The following SNAP47 variants were observed in gnomAD, a reference collection of about 807,000 sequenced individuals.
SNAP47 encodes synaptosome associated protein 47.
A neutral mutation model predicts 31.4 loss-of-function variants in SNAP47; 20 were observed. That is an observed-to-expected ratio of 0.64 (90% CI 0.45 to 0.93). SNAP47 has a LOEUF of 0.93. Ranked by LOEUF, SNAP47 falls within the 40% of genes least tolerant of loss-of-function variation. The probability of loss-of-function intolerance (pLI) is 0.00; values close to 1 mark genes in which losing one functional copy is unlikely to be tolerated. For synonymous variants in SNAP47, 194 were observed against 213.4 expected (o/e 0.91, Z 0.79); for missense variants, 492 against 528.5 (o/e 0.93, Z 0.68).
intron 4 of SNAP47, among the ~76,000 whole-genome samples, chr1:227,767,969 G>T (rs1034316910): frequency 1.3e-5 from 2 of 152,226 alleles, no homozygotes; most frequent in Admixed American, 1.3e-4. Context: ...AGAGGTTGTT[G>T]CCTAACATGC....
rs1663095311 is a variant in SNAP47 at position 227,762,022 on chromosome 1, G to A, written c.988+2537G>A. Among the ~76,000 whole-genome samples, 2 of 152,158 alleles carry A rather than the reference G, an allele frequency of 1.3e-5. No individual in the cohort carries two copies. The highest frequency in any genetic ancestry group is 4.8e-5 in the African/African-American group (2 of 41,440). On this transcript the variant is annotated intron_variant, in intron 3 of 4. Transcript: ENST00000617596. The surrounding 1 kb of genome is among the most constrained non-coding windows in gnomAD (Gnocchi z 4.2). ...GGCTAGGAGGGCCCCCTTAGTTCAG[G>A]TCACCTGAGTGTGGGTTGTAGCCAC... is the stretch of plus-strand genomic sequence containing the variant.
At chr1:227,756,284 C>T (rs1357336479) in intron 2 of SNAP47, among the ~76,000 whole-genome samples, 1 of 152,234 alleles carries the variant, frequency 6.6e-6, no homozygotes, top group East Asian at 1.9e-4. Context: ...TAAGTTGTCA[C>T]ATGAGCAGTG....
intron 2 of SNAP47, among the ~76,000 whole-genome samples, chr1:227,754,949 G>A (rs1662602970): frequency 6.6e-6 from 1 of 152,106 alleles, no homozygotes; most frequent in African/African-American, 2.4e-5. Context: ...AAAATCCTAA[G>A]CACCCCAGCC....
upstream of SNAP47, chr1:227,734,148 G>GC: frequency 8.0e-7 from 1 of 1,243,072 alleles, no homozygotes; most frequent in Non-Finnish European, 1.1e-6. Flanking sequence ...GATGGCTGCA[G>GC]CCCCCAAAGA....
rs1327699949 is a variant in SNAP47, at chr1:227,729,867, A to C, written c.-95+1081A>C. Among the ~76,000 whole-genome samples the C allele has an allele frequency of 5.3e-5, 8 of 152,152 alleles. No homozygotes were observed. The East Asian group carries it at 1.5e-3, about 29-fold the overall frequency. On this transcript the variant is annotated intron_variant, in intron 1 of 3. Coordinates refer to the SNAP47 transcript ENST00000366760. ...ATGTTCCCTCACTCTGTGTCCTCCCAGGCTAGAGTCTGTGCAGACAGCAGG... is the reference window on the plus strand; with the variant it reads ...ATGTTCCCTCACTCTGTGTCCTCCCCGGCTAGAGTCTGTGCAGACAGCAGG...
At chr1:227,765,740 T>C (rs1250982015) in intron 3 of SNAP47, among the ~76,000 whole-genome samples, 2 of 152,152 alleles carry the variant, frequency 1.3e-5, no homozygotes, top group African/African-American at 4.8e-5. Flanking sequence ...CTTCCCCACT[T>C]GCACTCGCAC....
At chr1:227,758,338 C>T (rs891858045) in intron 2 of SNAP47, among the ~76,000 whole-genome samples, 3 of 152,210 alleles carry the variant, frequency 2.0e-5, no homozygotes, top group Admixed American at 6.5e-5. Flanking sequence ...CAAGACGTGC[C>T]GGGTTCTCCT....
chr1:227,766,871 CT>C (rs1663439533), intron 3 of SNAP47, 87 bp from the exon 4 acceptor site: 1 of 1,565,188 alleles, frequency 6.4e-7, no homozygotes. Context: ...GGAACACCGC[CT>C]CAAAGACCAC....
At chr1:227,774,362 A>G (rs1197627760) in intron 4 of SNAP47, among the ~76,000 whole-genome samples, 1 of 149,044 alleles carries the variant, frequency 6.7e-6, no homozygotes, top group African/African-American at 2.5e-5. Context: ...TGTTGACACC[A>G]TGTGTTGAAG....
In SNAP47 at chr1:227,743,677, C is replaced by T. The variant is rs552788627; in HGVS notation, c.-45-4015C>T. ...CTGGTCTTTGAATGTCACTATCTGT[C>T]TGCTCCCCTGGACCTCCCTTGGTGC... is the stretch of plus-strand genomic sequence containing the variant. On this transcript the variant is annotated intron_variant, in intron 1 of 4. Transcript: ENST00000617596. 1.5e-4 allele frequency among the ~76,000 whole-genome samples: 23 copies of T among 152,342 alleles called. No individual in the cohort carries two copies. The South Asian group carries it at 4.8e-3, about 32-fold the overall frequency.
rs1661633662 is a variant in SNAP47, at chr1:227,741,941, T to A, written c.-45-5751T>A. Among the ~76,000 whole-genome samples, 1 of 152,170 alleles carries A rather than the reference T, an allele frequency of 6.6e-6. No individual in the cohort carries two copies. Among genetic ancestry groups the A allele is most frequent in the African/African-American group, 2.4e-5 (1 of 41,436 alleles). Reference sequence around the variant, plus strand: ...TCAAACTTGAATACTTTCCTTATATTTATTGTTTAAAATGTGATAATGAGA... The same window carrying A: ...TCAAACTTGAATACTTTCCTTATATATATTGTTTAAAATGTGATAATGAGA... On this transcript the variant is annotated intron_variant, in intron 1 of 4. Coordinates refer to ENST00000617596, the MANE Select transcript of SNAP47 (RefSeq NM_053052.4). The surrounding 1 kb of genome is among the most constrained non-coding windows in gnomAD (Gnocchi z 4.2).
At chr1:227,776,641 G>T in intron 4 of SNAP47, 3 of 985,462 alleles carry the variant, frequency 3.0e-6, no homozygotes, top group Non-Finnish European at 3.6e-6. Flanking sequence ...TATGTGGAAT[G>T]CACACGATGC....
intron 1 of SNAP47, chr1:227,728,870 G>T (rs1490243229): frequency 6.6e-6 from 1 of 152,390 alleles, no homozygotes; most frequent in Non-Finnish European, 1.5e-5. Context: ...GGAGCCGAAG[G>T]CCTCCGATGG....
At chr1:227,768,508 T>C (rs1174064562) in intron 4 of SNAP47, 1 of 185,732 alleles carries the variant, frequency 5.4e-6, no homozygotes, top group East Asian at 1.9e-4. Flanking sequence ...TTTACGTGTC[T>C]GTGTAGGCAT....
chr1:227,776,970 A>G (rs1303129759), intron 4 of SNAP47: 1 of 985,344 alleles, frequency 1.0e-6, no homozygotes, highest in Non-Finnish European at 1.2e-6. Context: ...TTCTATAGGC[A>G]GATCAGCTGG....
upstream of SNAP47, chr1:227,734,313 C>G: frequency 3.4e-6 from 1 of 297,028 alleles, no homozygotes; most frequent in Non-Finnish European, 5.9e-6. Flanking sequence ...CTCAGGAGTT[C>G]AAGACCAGCC....
In SNAP47 at chr1:227,747,724, G is replaced by A; in HGVS notation, c.-13G>A. ...AGAGGCCTGGACCTTGGCGCACACA[G>A]ACCCAGGAACAGATGAGCAGGGATG... is the stretch of plus-strand genomic sequence containing the variant. On this transcript the variant is annotated 5_prime_UTR_variant, in exon 2 of 5. Coordinates refer to ENST00000617596, the MANE Select transcript of SNAP47 (RefSeq NM_053052.4). 1 of 1,609,040 alleles carries A rather than the reference G, an allele frequency of 6.2e-7. No homozygotes were observed. Among genetic ancestry groups the A allele is most frequent in the South Asian group, 1.1e-5 (1 of 90,870 alleles).
chr1:227,772,520 T>C (rs954078601), intron 4 of SNAP47, among the ~76,000 whole-genome samples: 13 of 152,270 alleles, frequency 8.5e-5, no homozygotes, highest in African/African-American at 3.1e-4. Flanking sequence ...TGTTTCCTCC[T>C]TTGGGCTGCT....
intron 1 of SNAP47, among the ~76,000 whole-genome samples, chr1:227,728,972 C>G (rs1475344196): frequency 6.6e-6 from 1 of 152,152 alleles, no homozygotes; most frequent in Non-Finnish European, 1.5e-5. Context: ...AGAGGAAGGC[C>G]AGGATCCACG....
Sources: allele counts gnomAD v4.1 joint callset (sites outside exome capture counted in the v4.1 genomes callset), GRCh38; gene constraint gnomAD v4.1.1; non-coding constraint Gnocchi (gnomAD v3.1); transcripts MANE v1.5; gene names NCBI Gene and HGNC (gene_info 2026-07-23, HGNC 2026-07-21).